PPP2R5C: variants seen among roughly 807,000 people sequenced by gnomAD.
PPP2R5C encodes protein phosphatase 2 regulatory subunit B'gamma.
A neutral mutation model predicts 68.9 loss-of-function variants in PPP2R5C; 7 were observed. The observed-to-expected ratio is 0.10, with a 90% confidence interval of 0.06 to 0.19. PPP2R5C has a LOEUF of 0.19. Among genes scored for constraint, PPP2R5C ranks in the 10% least tolerant of loss-of-function variants. The probability of loss-of-function intolerance (pLI) is 1.00; values close to 1 mark genes in which losing one functional copy is unlikely to be tolerated. For missense variants in PPP2R5C, 348 were observed against 641.3 expected (o/e 0.54, Z 4.94); for synonymous variants, 210 against 222.2 (o/e 0.95, Z 0.49).
chr14:101,922,703 A>G (rs888233283), intron 13 of PPP2R5C, among the ~76,000 whole-genome samples: 2 of 151,316 alleles, frequency 1.3e-5, no homozygotes, highest in Non-Finnish European at 2.9e-5. Context: ...CTGTAGTCCT[A>G]GCTACTCAGG....
intron 3 of PPP2R5C, among the ~76,000 whole-genome samples, chr14:101,795,788 C>T (rs1394116033): frequency 1.3e-5 from 2 of 152,210 alleles, no homozygotes; most frequent in East Asian, 3.8e-4. Flanking sequence ...TTGCTCTCCT[C>T]TCATGCAAAT....
chr14:101,816,305 T>G (rs1176175764), intron 1 of PPP2R5C, among the ~76,000 whole-genome samples: 1 of 152,186 alleles, frequency 6.6e-6, no homozygotes, highest in Admixed American at 6.5e-5. Context: ...AAACGTGGGA[T>G]AAATCATTTC....
chr14:101,849,411 AT>A (rs1289779189), intron 1 of PPP2R5C, among the ~76,000 whole-genome samples: 1 of 151,868 alleles, frequency 6.6e-6, no homozygotes, highest in Non-Finnish European at 1.5e-5. Flanking sequence ...TTTAATTTGC[AT>A]TTCTCTGGTG....
chr14:101,878,998 G>A (rs1226716735), intron 2 of PPP2R5C, among the ~76,000 whole-genome samples: 2 of 152,198 alleles, frequency 1.3e-5, no homozygotes, highest in Admixed American at 1.3e-4. Context: ...TCTTAGGCAA[G>A]TTGGTTAACT....
chr14:101,852,625 C>A (rs1026120399), intron 1 of PPP2R5C, among the ~76,000 whole-genome samples: 1 of 150,828 alleles, frequency 6.6e-6, no homozygotes, highest in Non-Finnish European at 1.5e-5. Flanking sequence ...CCTGCCACCA[C>A]ACCCAGCTAA....
chr14:101,924,863 A>G (rs1349906276), intron 13 of PPP2R5C, among the ~76,000 whole-genome samples: 3 of 152,182 alleles, frequency 2.0e-5, no homozygotes, highest in Admixed American at 6.5e-5. Flanking sequence ...TGCAAATTAG[A>G]GGTACTGAGT....
At chr14:101,904,968 G>A (rs576740964) in intron 9 of PPP2R5C, among the ~76,000 whole-genome samples, 5 of 152,360 alleles carry the variant, frequency 3.3e-5, no homozygotes, top group African/African-American at 1.2e-4. Context: ...AGCAAATAGG[G>A]TAGGGTATGA....
At chr14:101,902,684 T>C (rs944293925) in intron 9 of PPP2R5C, among the ~76,000 whole-genome samples, 1 of 152,214 alleles carries the variant, frequency 6.6e-6, no homozygotes, top group African/African-American at 2.4e-5. Context: ...TGCAGCAGGC[T>C]CTCAGAAACA....
intron 2 of PPP2R5C, among the ~76,000 whole-genome samples, chr14:101,871,974 T>C (rs1269234855): frequency 6.6e-6 from 1 of 152,126 alleles, no homozygotes; most frequent in Non-Finnish European, 1.5e-5. Flanking sequence ...TTAAAGAAAT[T>C]TAAGTGATTT....
chr14:101,869,923 A>T (rs1211088140), intron 2 of PPP2R5C, among the ~76,000 whole-genome samples: 1 of 151,446 alleles, frequency 6.6e-6, no homozygotes, highest in Non-Finnish European at 1.5e-5. Context: ...AGGTGCTGGG[A>T]TTCCAGGCGT....
intron 1 of PPP2R5C, among the ~76,000 whole-genome samples, chr14:101,854,513 C>G (rs1209688919): frequency 6.6e-6 from 1 of 152,110 alleles, no homozygotes; most frequent in Non-Finnish European, 1.5e-5. Flanking sequence ...CTTACCTAGG[C>G]AGTAAGGAAA....
rs141565253 is a variant in PPP2R5C, at chr14:101,888,579, GTTGTT to G, written c.630-1635_630-1631del. Among the ~76,000 whole-genome samples, 73 of 151,998 alleles carry G rather than the reference GTTGTT, an allele frequency of 4.8e-4. No homozygotes were observed. The highest frequency in any genetic ancestry group is 3.4e-3 in the Middle Eastern group (1 of 294). The stretch of plus-strand genomic sequence containing the variant: ...GAGCAGATCTCAGTTTTTCTGTTGT[GTTGTT>G]TTGTTTTGTTTTGTTTTGTTTTTTG... On this transcript the variant is annotated intron_variant, in intron 5 of 13. Transcript: ENST00000334743. This position sits in a 1 kb window ranked among gnomAD's most constrained non-coding sequence, Gnocchi z 5.6.
rs1053068371 is a variant in PPP2R5C, at chr14:101,781,555, G to A, written c.94-4463G>A. 2.7e-5 allele frequency among the ~76,000 whole-genome samples: 4 copies of A among 148,362 alleles called. No homozygotes were observed. The highest frequency in any genetic ancestry group is 5.9e-5 in the Non-Finnish European group (4 of 67,552). On this transcript the variant is annotated intron_variant, in intron 2 of 14. Transcript: ENST00000328724. This position sits in a 1 kb window ranked among gnomAD's most constrained non-coding sequence, Gnocchi z 6.4. ...TCCTGGGCGCCTGACGCACCCCTCT[G>A]CCCCAACCACGTTTTCTCAAGAGTG...
At chr14:101,762,930 G>T (rs1159767061) in exon 2 of PPP2R5C, 1 of 1,584,234 alleles carries the variant, frequency 6.3e-7, no homozygotes, top group Admixed American at 1.8e-5. Context: ...GGGAAGAGTG[G>T]AAAAAGTTCA....
intron 2 of PPP2R5C, among the ~76,000 whole-genome samples, chr14:101,778,637 C>T (rs2037534667): frequency 6.6e-6 from 1 of 152,150 alleles, no homozygotes. Context: ...CCAGTTGTCC[C>T]AGCATCATTT....
chr14:101,772,033 G>A (rs775064790), intron 2 of PPP2R5C, among the ~76,000 whole-genome samples: 74 of 152,292 alleles, frequency 4.9e-4, no homozygotes, highest in Non-Finnish European at 9.8e-4. Flanking sequence ...ACCAGCAGAT[G>A]TGGAACATTT....
chr14:101,787,766 CAAA>C (rs756927904), intron 3 of PPP2R5C, among the ~76,000 whole-genome samples: 30 of 69,270 alleles, frequency 4.3e-4, no homozygotes, highest in African/African-American at 1.1e-3. Flanking sequence ...GACTCCATCT[CAAA>C]AAAAAAAAAA....
chr14:101,774,251 G>C (rs1272641794), intron 2 of PPP2R5C, among the ~76,000 whole-genome samples: 2 of 152,218 alleles, frequency 1.3e-5, no homozygotes, highest in African/African-American at 2.4e-5. Flanking sequence ...GCTGGCTCTT[G>C]TGACTTTTGG....
At chr14:101,867,802 GATAAA>G (rs1444283998) in intron 2 of PPP2R5C, among the ~76,000 whole-genome samples, 1 of 151,504 alleles carries the variant, frequency 6.6e-6, no homozygotes, top group Non-Finnish European at 1.5e-5. Flanking sequence ...TAATTAAAAA[GATAAA>G]ATAAAAACAA....
Sources: gnomAD v4.1 joint callset for allele counts (sites outside exome capture counted in the v4.1 genomes callset) on GRCh38, gnomAD v4.1.1 for gene constraint, Gnocchi (gnomAD v3.1) non-coding constraint, MANE v1.5 for transcripts, NCBI Gene and HGNC (gene_info 2026-07-23, HGNC 2026-07-21) for gene names.